PREP: variants seen among roughly 807,000 people sequenced by gnomAD.
PREP encodes dJ355L5.1 (prolyl endopeptidase).
In PREP, 29 loss-of-function variants were observed where a neutral mutation model predicts 87.6. That is an observed-to-expected ratio of 0.33 (90% CI 0.25 to 0.45). The LOEUF is 0.45. PREP is among the 20% of genes least tolerant of loss of function. PREP has a pLI of 1.00. For synonymous variants in PREP, 337 were observed against 328.6 expected, an observed-to-expected ratio of 1.03 and a Z score of -0.28; for missense variants, 695 against 886.5, an observed-to-expected ratio of 0.78 and a Z score of 2.74.
At chr6:105,372,194 A>G (rs182023216) in intron 5 of PREP, among the ~76,000 whole-genome samples, 1 of 152,158 alleles carries the variant, frequency 6.6e-6, no homozygotes, top group Admixed American at 6.5e-5. Context: ...CTTATTCTCA[A>G]TTCAATTGTG....
intron 10 of PREP, among the ~76,000 whole-genome samples, chr6:105,299,599 T>TA (rs138776434): frequency 0.017 from 2,588 of 152,056 alleles, 89 homozygotes; most frequent in African/African-American, 0.059. Context: ...ACTCTGTCTT[T>TA]AAAAAAAATA....
chr6:105,327,693 T>C (rs959403140), intron 9 of PREP, among the ~76,000 whole-genome samples: 4 of 152,190 alleles, frequency 2.6e-5, no homozygotes, highest in Non-Finnish European at 5.9e-5. Context: ...TTTTGTCTAA[T>C]GACCAAACGA....
intron 10 of PREP, among the ~76,000 whole-genome samples, chr6:105,289,847 C>T (rs1770259188): frequency 1.3e-5 from 2 of 152,256 alleles, no homozygotes; most frequent in South Asian, 2.1e-4. Flanking sequence ...TAAGCCTTTA[C>T]ACTTCATGTG....
intron 2 of PREP, among the ~76,000 whole-genome samples, chr6:105,386,211 T>C (rs1772991639): frequency 6.6e-6 from 1 of 152,214 alleles, no homozygotes; most frequent in Admixed American, 6.5e-5. Context: ...AAGTTGCTCA[T>C]TTAACAACTA....
intron 2 of PREP, among the ~76,000 whole-genome samples, chr6:105,381,525 C>T (rs1444200368): frequency 1.3e-5 from 2 of 152,128 alleles, no homozygotes; most frequent in African/African-American, 2.4e-5. Context: ...ACACAAATTC[C>T]TTGTTGTTCA....
At chr6:105,374,716 AAAT>A (rs1274651006) in intron 4 of PREP, among the ~76,000 whole-genome samples, 1 of 118,048 alleles carries the variant, frequency 8.5e-6, no homozygotes, top group Non-Finnish European at 1.7e-5. Context: ...AGAAAAATTT[AAAT>A]AAAACATTTT....
At position 105,278,118 on chromosome 6, in the gene PREP, C is replaced by A. The variant is rs1416286477; in HGVS notation, c.*26G>T. 1.9e-6 allele frequency: 3 copies of A among 1,589,112 alleles called. No homozygotes were observed. In the South Asian group the frequency reaches 3.4e-5, roughly 18 times the overall value. On this transcript the variant is annotated 3_prime_UTR_variant, in exon 15 of 15. Coordinates refer to ENST00000652536, the MANE Select transcript of PREP (RefSeq NM_002726.5). The surrounding 1 kb of genome is among the most constrained non-coding windows in gnomAD (Gnocchi z 4.2). ...GGAAAGCCCTTGAGGTTTTCTGTCG[C>A]TGTCAGGAGGAAGCACGAAAACTGT...
At position 105,338,000 on chromosome 6, in the gene PREP, A is replaced by T. The variant is rs531674136; in HGVS notation, c.824-4495T>A. 1.4e-4 allele frequency among the ~76,000 whole-genome samples: 17 copies of T among 120,192 alleles called. No homozygotes were observed. The East Asian group carries it at 2.3e-3, about 16-fold the overall frequency. The allele number at this position is 120,192 out of a possible 152,430, so 78.9% of individuals were successfully genotyped here. A position where few individuals can be genotyped will look rare whatever the true frequency, so the allele number is the denominator to read the frequency against. On this transcript the variant is annotated intron_variant, in intron 7 of 14. Coordinates refer to ENST00000652536, the MANE Select transcript of PREP (RefSeq NM_002726.5). ...CTTGGTGTACATAAAACAATGCTTT[A>T]AAAAAAAATCCCCATTCCTTAAAAG...
chr6:105,393,910 T>G, intron 2 of PREP, among the ~76,000 whole-genome samples: 1 of 148,352 alleles, frequency 6.7e-6, no homozygotes, highest in South Asian at 2.1e-4. Flanking sequence ...ATATAAAATA[T>G]TAAGGTATTT....
chr6:105,400,218 A>C (rs1425660557), intron 1 of PREP, among the ~76,000 whole-genome samples: 1 of 152,086 alleles, frequency 6.6e-6, no homozygotes. Flanking sequence ...ATCATTCTTG[A>C]TCTCCTCAAG....
At chr6:105,285,847 C>G (rs1201415323) in intron 11 of PREP, among the ~76,000 whole-genome samples, 1 of 152,194 alleles carries the variant, frequency 6.6e-6, no homozygotes, top group African/African-American at 2.4e-5. Context: ...ACAATCATGG[C>G]TCACTGCAAC....
intron 6 of PREP, among the ~76,000 whole-genome samples, chr6:105,356,844 TAAAC>T (rs1279994682): frequency 1.3e-5 from 2 of 152,226 alleles, no homozygotes; most frequent in Non-Finnish European, 2.9e-5. Context: ...CATTATGTCT[TAAAC>T]AAGTCTCTTG....
rs1245646478 is a variant in PREP, at chr6:105,277,592, A to ACAAACATT, written c.*544_*551dup. 1 of 153,934 alleles carries ACAAACATT rather than the reference A, an allele frequency of 6.5e-6. No individual in the cohort carries two copies. Among genetic ancestry groups the ACAAACATT allele is most frequent in the African/African-American group, 2.4e-5 (1 of 41,434 alleles). The allele number at this position is 153,934 out of a possible 1,614,324, so 9.5% of individuals were successfully genotyped here. ...GATGAACAACTTATTTTCAAAGCTA[A>ACAAACATT]CAAACATTCTATGACTTAACTGCTT... On this transcript the variant is annotated 3_prime_UTR_variant, in exon 15 of 15. Transcript: ENST00000652536.
chr6:105,284,756 G>T (rs1164711129), intron 12 of PREP, among the ~76,000 whole-genome samples: 1 of 152,190 alleles, frequency 6.6e-6, no homozygotes, highest in African/African-American at 2.4e-5. Flanking sequence ...TGGGTGAGGG[G>T]TGCTCCACAT....
At chr6:105,398,862 C>G (rs539620528) in intron 1 of PREP, among the ~76,000 whole-genome samples, 6 of 152,286 alleles carry the variant, frequency 3.9e-5, no homozygotes, top group African/African-American at 1.2e-4. Context: ...AATCCCAGCA[C>G]TTTGGGAGAC....
intron 7 of PREP, among the ~76,000 whole-genome samples, chr6:105,334,637 G>C (rs1031314946): frequency 2.0e-5 from 3 of 152,094 alleles, no homozygotes; most frequent in African/African-American, 4.8e-5. Flanking sequence ...AGAACAGCTT[G>C]AACACAGAAG....
At chr6:105,394,689 C>T (rs903704470) in intron 2 of PREP, among the ~76,000 whole-genome samples, 2 of 152,172 alleles carry the variant, frequency 1.3e-5, no homozygotes, top group African/African-American at 2.4e-5. Flanking sequence ...CCTGTAGTCC[C>T]AGCTACTTGG....
At chr6:105,379,754 TAC>T (rs1172090449) in intron 2 of PREP, among the ~76,000 whole-genome samples, 2 of 152,194 alleles carry the variant, frequency 1.3e-5, no homozygotes, top group African/African-American at 4.8e-5. Context: ...TGTGTGTGTT[TAC>T]ACTGATCGTG....
chr6:105,352,945 C>G, intron 7 of PREP, 27 bp downstream of exon 7: 1 of 1,557,350 alleles, frequency 6.4e-7, no homozygotes, highest in Non-Finnish European at 8.9e-7. Flanking sequence ...CTTGGAATAA[C>G]TATCTGTGTC....
Sources: allele counts gnomAD v4.1 joint callset (sites outside exome capture counted in the v4.1 genomes callset), GRCh38; gene constraint gnomAD v4.1.1; non-coding constraint Gnocchi (gnomAD v3.1); transcripts MANE v1.5; gene names NCBI Gene and HGNC (gene_info 2026-07-23, HGNC 2026-07-21).